CFAP157: variants seen among roughly 807,000 people sequenced by gnomAD.
CFAP157 encodes cilia- and flagella-associated protein 157.
Under a neutral mutation model 57.8 loss-of-function variants are expected in CFAP157, and 43 were observed. The ratio of observed to expected loss-of-function variants is 0.74; its 90% CI spans 0.58 to 0.96. CFAP157 has a LOEUF of 0.96. CFAP157 is among the 40% of genes least tolerant of loss of function. The pLI is 0.00. For synonymous variants in CFAP157, 267 were observed against 269.0 expected, an observed-to-expected ratio of 0.99 and a Z score of 0.07; for missense variants, 606 against 655.3, an observed-to-expected ratio of 0.92 and a Z score of 0.82.
chr9:127,712,811 A>G lies in CFAP157; in HGVS notation c.1240A>G (p.Thr414Ala), dbSNP rs374413353. 1 of 1,614,030 alleles carries G rather than the reference A, an allele frequency of 6.2e-7. No homozygotes were observed. Among genetic ancestry groups the G allele is most frequent in the Non-Finnish European group, 8.5e-7 (1 of 1,180,010 alleles). Residue 414 changes from threonine (T) to alanine (A), a missense_variant, in exon 7 of 9, where the codon ACG (threonine) becomes GCG (alanine). Coordinates refer to ENST00000373295, the MANE Select transcript of CFAP157 (RefSeq NM_001012502.3). ...GGTCATGCTCAGCTCCACTGTGGCC[A>G]CGAGACCTCAGAAGGCTGCGTGTCC... Reference protein sequence around the residue: ...LLVMLSSTVATRPQKAACPHQ... With the variant: ...LLVMLSSTVAARPQKAACPHQ...
intron 4 of CFAP157, 67 bp from the exon 5 acceptor site, chr9:127,711,753 G>C: frequency 6.6e-7 from 1 of 1,515,918 alleles, no homozygotes; most frequent in Admixed American, 2.0e-5. Flanking sequence ...AACACGGGAG[G>C]CCTGGCTGTG....
At chr9:127,707,302 C>A in intron 1 of CFAP157, 110 bp downstream of exon 1, 5 of 1,183,266 alleles carry the variant, frequency 4.2e-6, no homozygotes, top group Non-Finnish European at 5.9e-6. Context: ...CTGACCTCCC[C>A]TGGGATGTCC....
chr9:127,715,506 G>A lies in CFAP157; in HGVS notation c.*1601G>A. ...ACATAATGGCCGAACTGAAGCTAGG[G>A]ACCGGGAGCCCCTACGTCGCCGCCC... On this transcript the variant is annotated 3_prime_UTR_variant, in exon 9 of 9. Transcript: ENST00000373295. This position sits in a 1 kb window ranked among gnomAD's most constrained non-coding sequence, Gnocchi z 5.8. 6.2e-7 allele frequency: 1 copy of A among 1,612,704 alleles called. No individual in the cohort carries two copies. The highest frequency in any genetic ancestry group is 8.5e-7 in the Non-Finnish European group (1 of 1,179,788).
intron 3 of CFAP157, 66 bp from the exon 4 acceptor site, chr9:127,711,162 CA>C: frequency 6.4e-7 from 1 of 1,562,050 alleles, no homozygotes; most frequent in Non-Finnish European, 8.7e-7. Context: ...GGGAACCTCA[CA>C]AAGGGGTGTG....
intron 7 of CFAP157, 40 bp from the exon 8 acceptor site, chr9:127,712,980 C>A (rs1326448071): frequency 1.2e-6 from 2 of 1,603,716 alleles, no homozygotes; most frequent in Non-Finnish European, 1.7e-6. Context: ...AGAAACCTGG[C>A]TCGCCGAAGG....
At position 127,715,624 on chromosome 9, in the gene CFAP157, A is replaced by C; in HGVS notation, c.*1719A>C. On this transcript the variant is annotated 3_prime_UTR_variant, in exon 9 of 9. Coordinates refer to ENST00000373295, the MANE Select transcript of CFAP157 (RefSeq NM_001012502.3). This position sits in a 1 kb window ranked among gnomAD's most constrained non-coding sequence, Gnocchi z 5.8. ...CTCAGCCGCTGTCCGGCGCCCAAAA[A>C]GCCGCCCGGCCTCATGCTGCCCCCA... 1 of 1,612,452 alleles carries C rather than the reference A, an allele frequency of 6.2e-7. No homozygotes were observed. The highest frequency in any genetic ancestry group is 8.5e-7 in the Non-Finnish European group (1 of 1,179,910).
At position 127,715,717 on chromosome 9, in the gene CFAP157, G is replaced by T. The variant is rs1842962261; in HGVS notation, c.*1812G>T. ...CCAATCGTGTTGCCAACTGTTTGGC[G>T]TCCACCGCCAACGTCCAATCCGGGC... On this transcript the variant is annotated 3_prime_UTR_variant, in exon 9 of 9. Transcript: ENST00000373295. The surrounding 1 kb of genome is among the most constrained non-coding windows in gnomAD (Gnocchi z 5.8). 1 of 1,556,672 alleles carries T rather than the reference G, an allele frequency of 6.4e-7. No individual in the cohort carries two copies. Among genetic ancestry groups the T allele is most frequent in the Non-Finnish European group, 8.6e-7 (1 of 1,156,346 alleles).
rs1284415871 is a variant in CFAP157 at position 127,715,788 on chromosome 9, CG to C, written c.*1885del. The C allele has an allele frequency of 6.8e-6, 10 of 1,472,994 alleles. No homozygotes were observed. The highest frequency in any genetic ancestry group is 9.0e-6 in the Non-Finnish European group (10 of 1,108,042). 91.2% of individuals were successfully genotyped at this position (1,472,994 alleles called of 1,614,324 possible). On this transcript the variant is annotated 3_prime_UTR_variant, in exon 9 of 9. Transcript: ENST00000373295. This position sits in a 1 kb window ranked among gnomAD's most constrained non-coding sequence, Gnocchi z 5.8. ...CTTCTGAGGGGCGGAAGCGGCGAGG[CG>C]GTGGCCGAGTCCGGGAACCCAGGCG...
chr9:127,710,282 CAAAAAAA>C (rs60165824), intron 2 of CFAP157, among the ~76,000 whole-genome samples: 1 of 82,620 alleles, frequency 1.2e-5, no homozygotes, highest in African/African-American at 5.0e-5. Flanking sequence ...GACCCTGTCT[CAAAAAAA>C]AAAAAAAAAA....
rs1842968782 is a variant in CFAP157, at chr9:127,715,852, T to C, written c.*1947T>C. On this transcript the variant is annotated 3_prime_UTR_variant, in exon 9 of 9. Transcript: ENST00000373295. This position sits in a 1 kb window ranked among gnomAD's most constrained non-coding sequence, Gnocchi z 5.8. ...CGGCGTCACAGTGTCCCTTCGGGAC[T>C]TGTGTGGGACGCTCGGAGCTCTTGC... 3.1e-6 allele frequency: 3 copies of C among 966,432 alleles called. No individual in the cohort carries two copies. The highest frequency in any genetic ancestry group is 2.8e-5 in the Admixed American group (1 of 35,700). The allele number at this position is 966,432 out of a possible 1,614,324, so 59.9% of individuals were successfully genotyped here. A position where few individuals can be genotyped will look rare whatever the true frequency, so the allele number is the denominator to read the frequency against.
At position 127,712,828 on chromosome 9, in the gene CFAP157, T is replaced by C. The variant is rs370352312; in HGVS notation, c.1257T>C (p.Ala419=). 3.0e-5 allele frequency: 48 copies of C among 1,613,736 alleles called. No homozygotes were observed. The highest frequency in any genetic ancestry group is 4.1e-5 in the Non-Finnish European group (48 of 1,179,872). Residue 419 remains alanine (A), a synonymous_variant, in exon 7 of 9, where the codon GCT becomes GCC. Coordinates refer to ENST00000373295, the MANE Select transcript of CFAP157 (RefSeq NM_001012502.3). ...SSTVATRPQK[A]ACPHQESQSH... is the part of the protein sequence containing the mutation. ...CTGTGGCCACGAGACCTCAGAAGGCTGCGTGTCCCCACCAGGAGTCACAGT... is the reference window on the plus strand; with the variant it reads ...CTGTGGCCACGAGACCTCAGAAGGCCGCGTGTCCCCACCAGGAGTCACAGT...
chr9:127,712,588 T>C (rs1202997215), intron 6 of CFAP157, 121 bp from the exon 7 acceptor site: 3 of 1,575,834 alleles, frequency 1.9e-6, no homozygotes, highest in African/African-American at 2.7e-5. Context: ...GACTGAAGAA[T>C]GGGTATCCCA....
In CFAP157 at chr9:127,711,468, T is replaced by C. The variant is rs1842763400; in HGVS notation, c.827T>C (p.Met276Thr). The C allele has an allele frequency of 1.9e-6, 3 of 1,613,750 alleles. No individual in the cohort carries two copies. The highest frequency in any genetic ancestry group is 2.5e-6 in the Non-Finnish European group (3 of 1,180,006). The change falls in exon 4 of 9, where the codon ATG becomes ACG. Residue 276 changes from methionine (M) to threonine (T), a missense_variant. By Grantham distance (81) the Met-to-Thr change is moderately conservative. Transcript: ENST00000373295. ...LELLENTQKV[M>T]ARHKRGHQKI... is the part of the protein sequence containing the mutation. Reference sequence around the variant, plus strand: ...CTGCTGGAGAACACCCAGAAGGTCATGGCCAGGCACAAAAGAGGCCACCAG... The same window carrying C: ...CTGCTGGAGAACACCCAGAAGGTCACGGCCAGGCACAAAAGAGGCCACCAG...
chr9:127,709,431 G>T lies in CFAP157; in HGVS notation c.171G>T (p.Arg57=), dbSNP rs1842713455. The change falls in exon 2 of 9, where the codon CGG becomes CGT. Residue 57 remains arginine (R), a synonymous_variant. Coordinates refer to ENST00000373295, the MANE Select transcript of CFAP157 (RefSeq NM_001012502.3). The surrounding 1 kb of genome is among the most constrained non-coding windows in gnomAD (Gnocchi z 4.7). ...TCTGCCCCTGCCCCAGGTACCAGCG[G>T]AAGTGGGATGAGCTGGCTGTGCAGG... ...DLEDRLARYQ[R]KWDELAVQEK... 6.2e-7 allele frequency: 1 copy of T among 1,613,334 alleles called. No homozygotes were observed. Among genetic ancestry groups the T allele is most frequent in the Non-Finnish European group, 8.5e-7 (1 of 1,179,938 alleles).
In CFAP157 at chr9:127,713,892, T is replaced by C. The variant is rs1478616023; in HGVS notation, c.1550T>C (p.Leu517Pro). 6.2e-7 allele frequency: 1 copy of C among 1,613,948 alleles called. No individual in the cohort carries two copies. Among genetic ancestry groups the C allele is most frequent in the South Asian group, 1.1e-5 (1 of 91,084 alleles). The change falls in exon 9 of 9, where the codon CTA becomes CCA. Residue 517 changes from leucine to proline, a missense_variant. Coordinates refer to ENST00000373295, the MANE Select transcript of CFAP157 (RefSeq NM_001012502.3). Reference protein sequence around the residue: ...LEKFSLPEVPLRPK With the variant: ...LEKFSLPEVPPRPK ...AAGTTTAGTCTTCCTGAAGTTCCCC[T>C]ACGTCCCAAGTAGGACACAGAGAGA...
At chr9:127,710,555 C>T in intron 2 of CFAP157, 46 bp from the exon 3 acceptor site, 1 of 1,554,436 alleles carries the variant, frequency 6.4e-7, no homozygotes. Context: ...CAGGCCCTGT[C>T]CTCTGAGGCA....
At chr9:127,710,458 G>A (rs1842738874) in intron 2 of CFAP157, 143 bp from the exon 3 acceptor site, 1 of 945,516 alleles carries the variant, frequency 1.1e-6, no homozygotes, top group Non-Finnish European at 1.6e-6. Flanking sequence ...GGCAGGGTAG[G>A]TGGGGGATGG....
At position 127,712,787 on chromosome 9, in the gene CFAP157, G is replaced by A; in HGVS notation, c.1216G>A (p.Val406Ile). The A allele has an allele frequency of 5.6e-6, 9 of 1,614,196 alleles. No homozygotes were observed. The highest frequency in any genetic ancestry group is 1.6e-4 in the Middle Eastern group (1 of 6,062). Residue 406 changes from valine to isoleucine, a missense_variant, in exon 7 of 9, where the codon GTC (valine) becomes ATC (isoleucine). Coordinates refer to ENST00000373295, the MANE Select transcript of CFAP157 (RefSeq NM_001012502.3). ...WHKEMLQQLL[V>I]MLSSTVATRP... The stretch of plus-strand genomic sequence containing the variant: ...CAAGGAGATGCTGCAGCAACTGCTG[G>A]TCATGCTCAGCTCCACTGTGGCCAC...
chr9:127,715,271 C>G lies in CFAP157; in HGVS notation c.*1366C>G, dbSNP rs1232081432. ...TCTCACAGCGTCCCGTGGGCCCCAA[C>G]GCAGAGGAGCGGAAACGCAGAGCAA... On this transcript the variant is annotated 3_prime_UTR_variant, in exon 9 of 9. Coordinates refer to ENST00000373295, the MANE Select transcript of CFAP157 (RefSeq NM_001012502.3). This position sits in a 1 kb window ranked among gnomAD's most constrained non-coding sequence, Gnocchi z 5.8. 21 of 1,456,026 alleles carry G rather than the reference C, an allele frequency of 1.4e-5. No homozygotes were observed. The highest frequency in any genetic ancestry group is 2.0e-5 in the Non-Finnish European group (21 of 1,073,996). 90.2% of individuals were successfully genotyped at this position (1,456,026 alleles called of 1,614,324 possible).
Sources: allele counts gnomAD v4.1 joint callset (sites outside exome capture counted in the v4.1 genomes callset), GRCh38; gene constraint gnomAD v4.1.1; non-coding constraint Gnocchi (gnomAD v3.1); transcripts MANE v1.5; gene names NCBI Gene and HGNC (gene_info 2026-07-23, HGNC 2026-07-21).